PPARA: variants seen among roughly 807,000 people sequenced by gnomAD.
The protein encoded by PPARA is peroxisome proliferator-activated receptor alpha.
In PPARA, 22 loss-of-function variants were observed where a neutral mutation model predicts 42.2. The ratio of observed to expected loss-of-function variants is 0.52; its 90% CI spans 0.37 to 0.74. The LOEUF is 0.74. Among genes scored for constraint, PPARA ranks in the 30% least tolerant of loss-of-function variants. PPARA has a pLI of 0.00. For missense variants in PPARA, 465 were observed against 608.2 expected, an observed-to-expected ratio of 0.76 and a Z score of 2.48; for synonymous variants, 242 against 239.3, an observed-to-expected ratio of 1.01 and a Z score of -0.10.
chr22:46,170,346 C>T (rs1043540306), intron 2 of PPARA, among the ~76,000 whole-genome samples: 8 of 151,146 alleles, frequency 5.3e-5, no homozygotes, highest in African/African-American at 1.9e-4. Context: ...AGTGATCCAC[C>T]CACCTCAGCC....
rs1247926297 is a variant in PPARA at position 46,221,672 on chromosome 22, G to A, written c.711+1658G>A. Among the ~76,000 whole-genome samples, 3 of 152,266 alleles carry A rather than the reference G, an allele frequency of 2.0e-5. No homozygotes were observed. The highest frequency in any genetic ancestry group is 3.9e-4 in the East Asian group (2 of 5,180). ...AAATTAGCCGGGCGTGGTGGCGGGC[G>A]CCTGTAGTCTCAGCTACTTGGGAAG... On this transcript the variant is annotated intron_variant, in intron 7 of 8. Transcript: ENST00000407236. The surrounding 1 kb of genome is among the most constrained non-coding windows in gnomAD (Gnocchi z 5.9).
In PPARA at chr22:46,198,431, C is replaced by T. The variant is rs1932585126; in HGVS notation, c.48C>T (p.Ala16=). The change falls in exon 4 of 9, where the codon GCC becomes GCT. Residue 16 remains alanine (A), a synonymous_variant. Coordinates refer to ENST00000407236, the MANE Select transcript of PPARA (RefSeq NM_005036.6). ...SPLCPLSPLE[A]GDLESPLSEE... is the part of the protein sequence containing the mutation. ...TCTGCCCCCTCTCCCCACTCGAGGC[C>T]GGCGATCTAGAGAGCCCGTTATCTG... 5 of 1,613,692 alleles carry T rather than the reference C, an allele frequency of 3.1e-6. No individual in the cohort carries two copies. The highest frequency in any genetic ancestry group is 4.2e-6 in the Non-Finnish European group (5 of 1,179,950).
chr22:46,153,226 G>A (rs1924741521), intron 2 of PPARA, among the ~76,000 whole-genome samples: 1 of 130,832 alleles, frequency 7.6e-6, no homozygotes, highest in Non-Finnish European at 1.5e-5. Context: ...CTGGAGTGCA[G>A]TGGCATGATC....
intron 5 of PPARA, among the ~76,000 whole-genome samples, chr22:46,217,637 T>C (rs1447250879): frequency 6.6e-6 from 1 of 152,114 alleles, no homozygotes; most frequent in Non-Finnish European, 1.5e-5. Flanking sequence ...TTCATATACA[T>C]TGTAACAAGG....
Position 46,150,586 on chromosome 22 carries a change from G to GC in PPARA, c.-273dup, listed in dbSNP as rs1259673837. 7.3e-6 allele frequency: 1 copy of GC among 137,114 alleles called. No homozygotes were observed. Among genetic ancestry groups the GC allele is most frequent in the African/African-American group, 2.6e-5 (1 of 38,980 alleles). 8.5% of individuals were successfully genotyped at this position (137,114 alleles called of 1,614,324 possible). A position where few individuals can be genotyped will look rare whatever the true frequency, so the allele number is the denominator to read the frequency against. ...GGCGGGGGCGGAGGCGGCCGCTAGC[G>GC]CCCTGCCCGGCGCCGCCTCCTTCGG... On this transcript the variant is annotated 5_prime_UTR_variant, in exon 1 of 9. Transcript: ENST00000407236. This position sits in a 1 kb window ranked among gnomAD's most constrained non-coding sequence, Gnocchi z 7.5.
In PPARA at chr22:46,215,058, G is replaced by A. The variant is rs1014170812; in HGVS notation, c.209-115G>A. The A allele has an allele frequency of 2.9e-5, 39 of 1,330,890 alleles. No homozygotes were observed. The African/African-American group carries it at 4.6e-4, about 16-fold the overall frequency. 82.4% of individuals were successfully genotyped at this position (1,330,890 alleles called of 1,614,324 possible). ...GCCCGGCCCCGCATGGGTGTTCTGAGGTTTATGCCTCAGCACTAGAAGCCT... is the reference window on the plus strand; with the variant it reads ...GCCCGGCCCCGCATGGGTGTTCTGAAGTTTATGCCTCAGCACTAGAAGCCT... On this transcript the variant is annotated intron_variant, in intron 4 of 8. Coordinates refer to ENST00000407236, the MANE Select transcript of PPARA (RefSeq NM_005036.6).
rs951157963 is a variant in PPARA, at chr22:46,160,168, G to A, written c.-127+8198G>A. Among the ~76,000 whole-genome samples, 2 of 152,232 alleles carry A rather than the reference G, an allele frequency of 1.3e-5. No individual in the cohort carries two copies. Among genetic ancestry groups the A allele is most frequent in the Non-Finnish European group, 1.5e-5 (1 of 68,052 alleles). ...GTGGCAGCTGGCGGGGATCTTTCCAGCAGAAAGCTGTAAGTGGAAGCTTTC... is the reference window on the plus strand; with the variant it reads ...GTGGCAGCTGGCGGGGATCTTTCCAACAGAAAGCTGTAAGTGGAAGCTTTC... On this transcript the variant is annotated intron_variant, in intron 2 of 8. Coordinates refer to ENST00000407236, the MANE Select transcript of PPARA (RefSeq NM_005036.6). The surrounding 1 kb of genome is among the most constrained non-coding windows in gnomAD (Gnocchi z 4.5).
rs111225851 is a variant in PPARA at position 46,216,383 on chromosome 22, C to CAAAAA, written c.369+1060_369+1064dup. Among the ~76,000 whole-genome samples the CAAAAA allele has an allele frequency of 1.9e-4, 25 of 131,504 alleles. No individual in the cohort carries two copies. The highest frequency in any genetic ancestry group is 6.5e-4 in the African/African-American group (24 of 37,200). The allele number at this position is 131,504 out of a possible 152,430, so 86.3% of individuals were successfully genotyped here. On this transcript the variant is annotated intron_variant, in intron 5 of 8. Transcript: ENST00000407236. This position sits in a 1 kb window ranked among gnomAD's most constrained non-coding sequence, Gnocchi z 4.5. ...AGGCGACAAGAGTAAAACTTCATCT[C>CAAAAA]AAAAAAAAAAAAAAGAGAGAAAAGA... is the stretch of plus-strand genomic sequence containing the variant.
chr22:46,198,652 TTCTC>T (rs1192229505), intron 4 of PPARA, 61 bp downstream of exon 4: 76 of 1,376,856 alleles, frequency 5.5e-5, no homozygotes, highest in African/African-American at 9.2e-5. Flanking sequence ...AAGAAAACTG[TTCTC>T]TCTTTTTTTT....
rs1379115715 is a variant in PPARA, at chr22:46,182,632, A to G, written c.-43+5796A>G. Among the ~76,000 whole-genome samples the G allele has an allele frequency of 6.6e-6, 1 of 152,220 alleles. No homozygotes were observed. The highest frequency in any genetic ancestry group is 1.5e-5 in the Non-Finnish European group (1 of 68,046). ...GTCTGCGTACTGTCTCGGCTATGAT[A>G]GTGGTTTCACAGGTTGATACATACG... On this transcript the variant is annotated intron_variant, in intron 3 of 8. Coordinates refer to ENST00000407236, the MANE Select transcript of PPARA (RefSeq NM_005036.6). This position sits in a 1 kb window ranked among gnomAD's most constrained non-coding sequence, Gnocchi z 5.2.
intron 2 of PPARA, among the ~76,000 whole-genome samples, chr22:46,158,474 C>T (rs1333971165): frequency 1.3e-5 from 2 of 152,142 alleles, no homozygotes; most frequent in African/African-American, 2.4e-5. Flanking sequence ...TGACAAATTG[C>T]CAAGTTTCAG....
Position 46,219,966 on chromosome 22 carries a change from C to T in PPARA, c.663C>T (p.Asn221=), listed in dbSNP as rs769430490. The T allele has an allele frequency of 8.7e-6, 14 of 1,614,072 alleles. No homozygotes were observed. Among genetic ancestry groups the T allele is most frequent in the African/African-American group, 1.3e-5 (1 of 74,932 alleles). The change falls in exon 7 of 9, where the codon AAC becomes AAT. Residue 221 remains asparagine (N), a synonymous_variant. Coordinates refer to ENST00000407236, the MANE Select transcript of PPARA (RefSeq NM_005036.6). The surrounding 1 kb of genome is among the most constrained non-coding windows in gnomAD (Gnocchi z 4.8). ...YEAYLKNFNM[N]KVKARVILSG... The stretch of plus-strand genomic sequence containing the variant: ...CCTACTTGAAGAACTTCAACATGAA[C>T]AAGGTCAAAGCCCGGGTCATCCTCT...
At chr22:46,179,846 A>G (rs1404839331) in intron 3 of PPARA, among the ~76,000 whole-genome samples, 4 of 152,230 alleles carry the variant, frequency 2.6e-5, no homozygotes, top group African/African-American at 9.6e-5. Context: ...GAAGACAGAA[A>G]AAATTCTCAA....
rs1221967385 is a variant in PPARA at position 46,167,080 on chromosome 22, A to G, written c.-126-9673A>G. 6.6e-6 allele frequency among the ~76,000 whole-genome samples: 1 copy of G among 152,162 alleles called. No homozygotes were observed. Among genetic ancestry groups the G allele is most frequent in the Non-Finnish European group, 1.5e-5 (1 of 68,030 alleles). On this transcript the variant is annotated intron_variant, in intron 2 of 8. Transcript: ENST00000407236. The surrounding 1 kb of genome is among the most constrained non-coding windows in gnomAD (Gnocchi z 4.1). ...ATAGCAAGTCCAGAAATAGATCCACACATATATGGTCAATTGATTTTCAGC... is the reference window on the plus strand; with the variant it reads ...ATAGCAAGTCCAGAAATAGATCCACGCATATATGGTCAATTGATTTTCAGC...
rs559289322 is a variant in PPARA at position 46,230,932 on chromosome 22, C to T, written c.712-860C>T. On this transcript the variant is annotated intron_variant, in intron 7 of 8. Coordinates refer to ENST00000407236, the MANE Select transcript of PPARA (RefSeq NM_005036.6). The surrounding 1 kb of genome is among the most constrained non-coding windows in gnomAD (Gnocchi z 5.0). ...ATATACTGGTAAAATTAAGAATGATCGTAATTAAGCCTCTTGCAATAGTCA... is the reference window on the plus strand; with the variant it reads ...ATATACTGGTAAAATTAAGAATGATTGTAATTAAGCCTCTTGCAATAGTCA... 4.6e-5 allele frequency among the ~76,000 whole-genome samples: 7 copies of T among 152,276 alleles called. No homozygotes were observed. The highest frequency in any genetic ancestry group is 1.4e-4 in the African/African-American group (6 of 41,552).
chr22:46,192,655 A>G lies in PPARA; in HGVS notation c.-42-5687A>G, dbSNP rs1481937615. ...CTCTAACATTTAAATTGGAAGGGAA[A>G]TGTCAAAAAGATACCTGCACTCTTG... On this transcript the variant is annotated intron_variant, in intron 3 of 8. Transcript: ENST00000407236. This position sits in a 1 kb window ranked among gnomAD's most constrained non-coding sequence, Gnocchi z 4.3. Among the ~76,000 whole-genome samples the G allele has an allele frequency of 6.6e-6, 1 of 152,228 alleles. No homozygotes were observed. The highest frequency in any genetic ancestry group is 1.5e-5 in the Non-Finnish European group (1 of 68,036).
In PPARA at chr22:46,232,854, T is replaced by C. The variant is rs1278634996; in HGVS notation, c.1159+615T>C. 6.7e-6 allele frequency among the ~76,000 whole-genome samples: 1 copy of C among 150,144 alleles called. No individual in the cohort carries two copies. Among genetic ancestry groups the C allele is most frequent in the African/African-American group, 2.4e-5 (1 of 40,836 alleles). ...AAAATTAGTCAAGTATGGTGGCATG[T>C]ACCTGTAGTCCCAGCTACTTGAGAG... On this transcript the variant is annotated intron_variant, in intron 8 of 8. Transcript: ENST00000407236. This position sits in a 1 kb window ranked among gnomAD's most constrained non-coding sequence, Gnocchi z 5.3.
At chr22:46,151,359 G>T (rs1393522160) in intron 1 of PPARA, among the ~76,000 whole-genome samples, 1 of 152,186 alleles carries the variant, frequency 6.6e-6, no homozygotes, top group East Asian at 1.9e-4. Flanking sequence ...GGTCGGGGCC[G>T]CTGAGGGTCG....
At position 46,219,670 on chromosome 22, in the gene PPARA, C is replaced by T; in HGVS notation, c.509-142C>T. 1.3e-6 allele frequency: 1 copy of T among 799,642 alleles called. No homozygotes were observed. Among genetic ancestry groups the T allele is most frequent in the Non-Finnish European group, 2.1e-6 (1 of 476,414 alleles). The allele number at this position is 799,642 out of a possible 1,614,324, so 49.5% of individuals were successfully genotyped here. On this transcript the variant is annotated intron_variant, in intron 6 of 8. Transcript: ENST00000407236. This position sits in a 1 kb window ranked among gnomAD's most constrained non-coding sequence, Gnocchi z 4.8. ...TTTTTCATCTCTCCATAGTGGAAAG[C>T]CGAATAGTAATGAAGGATGGGTCTG...
Sources: allele counts gnomAD v4.1 joint callset (sites outside exome capture counted in the v4.1 genomes callset), GRCh38; gene constraint gnomAD v4.1.1; non-coding constraint Gnocchi (gnomAD v3.1); transcripts MANE v1.5; gene names NCBI Gene and HGNC (gene_info 2026-07-23, HGNC 2026-07-21).